EDIL3: variants seen among roughly 807,000 people sequenced by gnomAD.
The protein encoded by EDIL3 is EGF like and discoidin domains 3, also known as EGF-like repeat and discoidin I-like domain-containing protein 3.
EDIL3 carries 37 observed loss-of-function variants against 67.4 expected under a neutral mutation model. The observed-to-expected ratio is 0.55, with a 90% CI of 0.42 to 0.72. The LOEUF is 0.72. EDIL3 is among the 30% of genes least tolerant of loss of function. The pLI, the probability that EDIL3 is intolerant of heterozygous loss-of-function variation, is 0.00. For missense variants in EDIL3, 527 were observed against 586.3 expected, an observed-to-expected ratio of 0.90 and a Z score of 1.04; for synonymous variants, 195 against 196.3, an observed-to-expected ratio of 0.99 and a Z score of 0.05.
intron 6 of EDIL3, among the ~76,000 whole-genome samples, chr5:84,085,993 G>A (rs926863008): frequency 1.3e-5 from 2 of 152,100 alleles, no homozygotes; most frequent in African/African-American, 2.4e-5. Context: ...CAGTAATGGC[G>A]GATACTCATC....
chr5:84,033,952 T>C (rs1745973252), intron 9 of EDIL3, among the ~76,000 whole-genome samples: 1 of 152,102 alleles, frequency 6.6e-6, no homozygotes, highest in Non-Finnish European at 1.5e-5. Context: ...GGGCACTAGC[T>C]GGCCAGTGGC....
At chr5:83,990,566 T>A (rs192588191) in intron 9 of EDIL3, among the ~76,000 whole-genome samples, 4 of 151,032 alleles carry the variant, frequency 2.6e-5, no homozygotes, top group Admixed American at 2.6e-4. Flanking sequence ...GGTGAAATGA[T>A]TATCAGTAAC....
At chr5:84,180,746 G>C (rs1425248221) in intron 3 of EDIL3, among the ~76,000 whole-genome samples, 1 of 152,098 alleles carries the variant, frequency 6.6e-6, no homozygotes, top group Non-Finnish European at 1.5e-5. Flanking sequence ...CCTTCTCCAT[G>C]CCTGTTTCCT....
chr5:84,298,565 T>C (rs1362881690), intron 1 of EDIL3, among the ~76,000 whole-genome samples: 10 of 152,280 alleles, frequency 6.6e-5, no homozygotes, highest in South Asian at 4.1e-4. Flanking sequence ...TAAACCACCA[T>C]GGCACACGTT....
intron 9 of EDIL3, among the ~76,000 whole-genome samples, chr5:83,979,011 C>T (rs941224997): frequency 2.6e-5 from 4 of 151,872 alleles, no homozygotes; most frequent in Admixed American, 2.6e-4. Flanking sequence ...CAAAAGAAAA[C>T]ATAGAGTCTG....
At chr5:84,339,913 T>A (rs1747065353) in intron 1 of EDIL3, among the ~76,000 whole-genome samples, 1 of 152,070 alleles carries the variant, frequency 6.6e-6, no homozygotes, top group Non-Finnish European at 1.5e-5. Flanking sequence ...GTTCTAATTG[T>A]TTTAAATAAT....
chr5:84,349,964 G>A (rs1747321792), intron 1 of EDIL3, among the ~76,000 whole-genome samples: 1 of 152,050 alleles, frequency 6.6e-6, no homozygotes, highest in Non-Finnish European at 1.5e-5. Context: ...GCTCTACGAG[G>A]TAGATACTAC....
intron 2 of EDIL3, among the ~76,000 whole-genome samples, chr5:84,242,046 C>T (rs1580394075): frequency 6.9e-6 from 1 of 145,868 alleles, no homozygotes; most frequent in African/African-American, 2.6e-5. Context: ...CAGTGAAACC[C>T]CGTCTCTACT....
At chr5:84,064,959 T>G in intron 7 of EDIL3, 115 bp from the exon 8 acceptor site, 1 of 1,314,642 alleles carries the variant, frequency 7.6e-7, no homozygotes. Context: ...ATTACATTAT[T>G]TGGGAGCATG....
At chr5:84,108,365 T>C (rs930613700) in intron 5 of EDIL3, among the ~76,000 whole-genome samples, 4 of 152,082 alleles carry the variant, frequency 2.6e-5, no homozygotes, top group African/African-American at 7.2e-5. Flanking sequence ...ACAGTAAAAA[T>C]TGCATCTTTG....
intron 1 of EDIL3, among the ~76,000 whole-genome samples, chr5:84,333,210 T>C (rs759372651): frequency 5.9e-5 from 9 of 152,042 alleles, no homozygotes; most frequent in Non-Finnish European, 1.0e-4. Flanking sequence ...ACCACAAAAA[T>C]TGAATAGTGA....
intron 3 of EDIL3, among the ~76,000 whole-genome samples, chr5:84,216,513 G>A (rs1744229003): frequency 1.3e-5 from 2 of 152,170 alleles, no homozygotes; most frequent in African/African-American, 4.8e-5. Context: ...ATAAGCACAA[G>A]TTTTTCCAGA....
At chr5:84,323,562 C>G (rs1373395816) in intron 1 of EDIL3, among the ~76,000 whole-genome samples, 1 of 151,904 alleles carries the variant, frequency 6.6e-6, no homozygotes, top group Non-Finnish European at 1.5e-5. Flanking sequence ...ATATATCCCT[C>G]TTTATCAGTA....
chr5:84,082,801 T>C (rs1453230879), intron 6 of EDIL3, among the ~76,000 whole-genome samples: 2 of 142,460 alleles, frequency 1.4e-5, no homozygotes, highest in East Asian at 4.5e-4. Context: ...TCCTTAGTTG[T>C]TTCTCTTATT....
intron 1 of EDIL3, among the ~76,000 whole-genome samples, chr5:84,382,383 G>A (rs1017383233): frequency 6.6e-6 from 1 of 152,140 alleles, no homozygotes; most frequent in Non-Finnish European, 1.5e-5. Context: ...GCCGCGCCCC[G>A]GGGCTCCCTC....
intron 4 of EDIL3, among the ~76,000 whole-genome samples, chr5:84,162,129 A>AT (rs1375289068): frequency 6.6e-6 from 1 of 152,070 alleles, no homozygotes; most frequent in African/African-American, 2.4e-5. Context: ...AGGGGCTCAC[A>AT]TGGGGCCTAG....
chr5:84,282,589 T>G (rs1745726188), intron 1 of EDIL3, among the ~76,000 whole-genome samples: 2 of 152,188 alleles, frequency 1.3e-5, no homozygotes, highest in African/African-American at 4.8e-5. Context: ...CCTTGTACCC[T>G]GTGCAAAAAT....
intron 4 of EDIL3, among the ~76,000 whole-genome samples, chr5:84,171,961 C>T (rs1384933728): frequency 1.3e-5 from 2 of 152,086 alleles, no homozygotes; most frequent in Non-Finnish European, 2.9e-5. Context: ...CATTGGGGTC[C>T]TTATTAAATA....
At chr5:84,170,322 C>T (rs949619052) in intron 4 of EDIL3, among the ~76,000 whole-genome samples, 2 of 152,198 alleles carry the variant, frequency 1.3e-5, no homozygotes, top group Admixed American at 1.3e-4. Flanking sequence ...TGGGAAAAGA[C>T]ACATGTCTTT....
Sources: allele counts gnomAD v4.1 joint callset (sites outside exome capture counted in the v4.1 genomes callset), GRCh38; gene constraint gnomAD v4.1.1; transcripts MANE v1.5; gene names NCBI Gene and HGNC (gene_info 2026-07-23, HGNC 2026-07-21).